Variants in SPAST observed in about 807,000 individuals in gnomAD.
SPAST encodes spastic paraplegia 4 (autosomal dominant; spastin).
A neutral mutation model predicts 76.6 loss-of-function variants in SPAST; 30 were observed. That is an observed-to-expected ratio of 0.39 (90% confidence interval 0.29 to 0.53). SPAST has a LOEUF of 0.53. Among genes scored for constraint, SPAST ranks in the 20% least tolerant of loss-of-function variants. SPAST has a pLI of 0.68. For missense variants in SPAST, 717 were observed against 770.5 expected (o/e 0.93, Z 0.82); for synonymous variants, 305 against 281.0 (o/e 1.09, Z -0.86).
intron 1 of SPAST, among the ~76,000 whole-genome samples, chr2:32,085,076 C>T (rs1677417971): frequency 6.6e-6 from 1 of 151,822 alleles, no homozygotes; most frequent in Non-Finnish European, 1.5e-5. Flanking sequence ...TATAATTTTC[C>T]CTTTTTCAAA....
At chr2:32,078,706 T>TA (rs1209309200) in intron 1 of SPAST, among the ~76,000 whole-genome samples, 1 of 152,168 alleles carries the variant, frequency 6.6e-6, no homozygotes, top group Non-Finnish European at 1.5e-5. Flanking sequence ...TCCTTAACCT[T>TA]ACCATAAGGG....
At chr2:32,109,326 C>G (rs1463583917) in intron 4 of SPAST, among the ~76,000 whole-genome samples, 1 of 151,796 alleles carries the variant, frequency 6.6e-6, no homozygotes, top group South Asian at 2.1e-4. Context: ...CCAGGCTGGT[C>G]TCGAACTCCT....
In SPAST at chr2:32,108,919, C is replaced by T. The variant is rs184130580; in HGVS notation, c.683-5719C>T. Among the ~76,000 whole-genome samples the T allele has an allele frequency of 5.9e-4, 90 of 151,372 alleles. 1 individual carries two copies. Among genetic ancestry groups the T allele is most frequent in the African/African-American group, 2.0e-3 (84 of 41,178 alleles). ...TAGCTGGGACTACAGATGCGTGCCACCATACCCAGCTGATTTTTGTATTCT... is the reference window on the plus strand; with the variant it reads ...TAGCTGGGACTACAGATGCGTGCCATCATACCCAGCTGATTTTTGTATTCT... On this transcript the variant is annotated intron_variant, in intron 4 of 16. Coordinates refer to ENST00000315285, the MANE Select transcript of SPAST (RefSeq NM_014946.4).
chr2:32,131,691 T>C (rs865888949), intron 9 of SPAST, among the ~76,000 whole-genome samples: 53 of 148,268 alleles, frequency 3.6e-4, no homozygotes, highest in Non-Finnish European at 4.0e-4. Context: ...TTTTTTTTTT[T>C]TGAGATGGAG....
chr2:32,118,522 C>T (rs1678917111), intron 7 of SPAST, among the ~76,000 whole-genome samples: 1 of 152,010 alleles, frequency 6.6e-6, no homozygotes, highest in Non-Finnish European at 1.5e-5. Flanking sequence ...TAACATTTTG[C>T]TGGAGTTATA....
chr2:32,110,656 A>G (rs984957448), intron 4 of SPAST, among the ~76,000 whole-genome samples: 7 of 137,690 alleles, frequency 5.1e-5, no homozygotes, highest in Non-Finnish European at 7.7e-5. Flanking sequence ...TATATATAGT[A>G]TAGTATATAT....
chr2:32,091,033 G>A (rs972465763), intron 3 of SPAST, among the ~76,000 whole-genome samples: 1 of 151,698 alleles, frequency 6.6e-6, no homozygotes, highest in Non-Finnish European at 1.5e-5. Context: ...CTGTTTGATG[G>A]CGTAGGTTTT....
intron 15 of SPAST, 49 bp from the exon 16 acceptor site, chr2:32,147,169 A>T: frequency 7.2e-7 from 1 of 1,389,504 alleles, no homozygotes; most frequent in Non-Finnish European, 1.0e-6. Flanking sequence ...CAACAATTTC[A>T]ACTGCAAAAT....
intron 15 of SPAST, 38 bp from the exon 16 acceptor site, chr2:32,147,180 G>C: frequency 6.6e-7 from 1 of 1,506,788 alleles, no homozygotes; most frequent in Non-Finnish European, 9.2e-7. Context: ...ACTGCAAAAT[G>C]TATGTATTTT....
chr2:32,067,196 G>A (rs1416886595), intron 1 of SPAST, among the ~76,000 whole-genome samples: 4 of 152,024 alleles, frequency 2.6e-5, no homozygotes, highest in Non-Finnish European at 4.4e-5. Context: ...TGAGCAGCTG[G>A]GATTACAGGT....
At chr2:32,104,380 A>C (rs1018061449) in intron 4 of SPAST, among the ~76,000 whole-genome samples, 6 of 152,150 alleles carry the variant, frequency 3.9e-5, no homozygotes, top group African/African-American at 1.4e-4. Context: ...AATACAGCAC[A>C]CTGATGGGTC....
intron 7 of SPAST, among the ~76,000 whole-genome samples, chr2:32,125,773 C>T (rs1022127003): frequency 1.3e-5 from 2 of 152,000 alleles, no homozygotes; most frequent in African/African-American, 4.8e-5. Flanking sequence ...CTCATACCAA[C>T]TTTCAATCAG....
At chr2:32,128,670 T>G (rs1679276795) in intron 9 of SPAST, 191 bp downstream of exon 9, 1 of 587,640 alleles carries the variant, frequency 1.7e-6, no homozygotes, top group Non-Finnish European at 3.0e-6. Flanking sequence ...AATACTGTAT[T>G]AGTTTACTGG....
intron 1 of SPAST, among the ~76,000 whole-genome samples, chr2:32,067,758 C>CTTT (rs11285790): frequency 7.1e-6 from 1 of 140,664 alleles, no homozygotes; most frequent in Non-Finnish European, 1.5e-5. Flanking sequence ...AAGTGATCCT[C>CTTT]TTTTTTTTTT....
chr2:32,093,307 T>C (rs1677795323), intron 3 of SPAST, among the ~76,000 whole-genome samples: 1 of 77,714 alleles, frequency 1.3e-5, no homozygotes. Flanking sequence ...CGAGACTCCG[T>C]CTCAAAAAAA....
Position 32,083,773 on chromosome 2 carries a change from TATA to T in SPAST, c.416-3718_416-3716del, listed in dbSNP as rs201132390. Among the ~76,000 whole-genome samples the T allele has an allele frequency of 2.9e-3, 244 of 84,610 alleles. 7 individuals are homozygous for T. Among genetic ancestry groups the T allele is most frequent in the Non-Finnish European group, 4.2e-3 (182 of 43,344 alleles). 55.5% of individuals were successfully genotyped at this position (84,610 alleles called of 152,430 possible). A position where few individuals can be genotyped will look rare whatever the true frequency, so the allele number is the denominator to read the frequency against. On this transcript the variant is annotated intron_variant, in intron 1 of 16. Transcript: ENST00000315285. ...TACTATATATATATATATATATATA[TATA>T]TTTTTTTTTTTTTTTGAGATGAAGT... is the stretch of plus-strand genomic sequence containing the variant.
At chr2:32,093,946 A>G (rs762788106) in intron 3 of SPAST, among the ~76,000 whole-genome samples, 120 of 152,180 alleles carry the variant, frequency 7.9e-4, no homozygotes, top group Non-Finnish European at 1.3e-3. Context: ...AAAATAAATA[A>G]TATGGATGGT....
At chr2:32,066,422 C>T (rs752527439) in intron 1 of SPAST, among the ~76,000 whole-genome samples, 47 of 152,108 alleles carry the variant, frequency 3.1e-4, no homozygotes, top group Non-Finnish European at 3.5e-4. Flanking sequence ...GTAATCCCAA[C>T]ACTTTGGGAG....
At chr2:32,065,474 A>G (rs1043088243) in intron 1 of SPAST, among the ~76,000 whole-genome samples, 15 of 152,322 alleles carry the variant, frequency 9.8e-5, no homozygotes, top group African/African-American at 3.6e-4. Context: ...TATTATTGGT[A>G]TCAGCATTTT....
Sources: gnomAD v4.1 joint callset for allele counts (sites outside exome capture counted in the v4.1 genomes callset) on GRCh38, gnomAD v4.1.1 for gene constraint, MANE v1.5 for transcripts, NCBI Gene and HGNC (gene_info 2026-07-23, HGNC 2026-07-21) for gene names.